Variants in BPHL observed in about 807,000 individuals in gnomAD.
The protein encoded by BPHL is biphenyl hydrolase like, also known as serine hydrolase BPHL.
In BPHL, 27 loss-of-function variants were observed where a neutral mutation model predicts 31.2. The ratio of observed to expected loss-of-function variants is 0.87; its 90% confidence interval spans 0.64 to 1.19. The LOEUF (loss-of-function observed/expected upper bound fraction) is 1.19, where lower values mean the gene tolerates loss of function less well. Among genes scored for constraint, BPHL ranks in the 50% most tolerant of loss-of-function variants. BPHL has a pLI of 0.00. For synonymous variants in BPHL, 150 were observed against 146.8 expected (o/e 1.02, Z -0.16); for missense variants, 356 against 375.7 (o/e 0.95, Z 0.43).
rs533848752 is a variant in BPHL, at chr6:3,140,427, G to A, written c.706G>A (p.Ala236Thr). ...RHLLPRVQCPALIVHGEKDPL... is the reference protein window; with the variant it reads ...RHLLPRVQCPTLIVHGEKDPL... ...CCTGCTGCCCCGGGTCCAGTGCCCCGCCTTGATTGTGCACGGTGAGAAGGA... is the reference window on the plus strand; with the variant it reads ...CCTGCTGCCCCGGGTCCAGTGCCCCACCTTGATTGTGCACGGTGAGAAGGA... Residue 236 changes from alanine to threonine, a missense_variant, in exon 6 of 7, where the codon GCC (alanine) becomes ACC (threonine). Transcript: ENST00000380379. This position sits in a 1 kb window ranked among gnomAD's most constrained non-coding sequence, Gnocchi z 5.2. The A allele has an allele frequency of 3.1e-6, 5 of 1,614,056 alleles. No individual in the cohort carries two copies. Among genetic ancestry groups the A allele is most frequent in the African/African-American group, 2.7e-5 (2 of 74,990 alleles).
chr6:3,141,608 C>T (rs539364546), intron 6 of BPHL, among the ~76,000 whole-genome samples: 41 of 152,306 alleles, frequency 2.7e-4, no homozygotes, highest in South Asian at 8.3e-4. Flanking sequence ...CCTCGTGATC[C>T]GCCTGCCTTG....
chr6:3,146,720 T>C (rs1251087640), intron 6 of BPHL, among the ~76,000 whole-genome samples: 2 of 138,366 alleles, frequency 1.4e-5, no homozygotes, highest in South Asian at 2.5e-4. Context: ...AGTGCTGGTT[T>C]GGGTTGAGTG....
intron 6 of BPHL, among the ~76,000 whole-genome samples, chr6:3,146,779 G>A (rs1357129720): frequency 1.4e-5 from 2 of 145,364 alleles, no homozygotes; most frequent in Admixed American, 6.8e-5. Flanking sequence ...GGTTTGGGTC[G>A]AGTGCTGGTT....
chr6:3,140,416 T>G lies in BPHL; in HGVS notation c.695T>G (p.Val232Gly). ...GNICRHLLPR[V>G]QCPALIVHGE... Reference sequence around the variant, plus strand: ...ATCTGCCGGCACCTGCTGCCCCGGGTCCAGTGCCCCGCCTTGATTGTGCAC... The same window carrying G: ...ATCTGCCGGCACCTGCTGCCCCGGGGCCAGTGCCCCGCCTTGATTGTGCAC... The change falls in exon 6 of 7, where the codon GTC (valine) becomes GGC (glycine). Residue 232 changes from valine to glycine, a missense_variant. Physicochemically the swap from Val to Gly is moderately radical, Grantham distance 109 (BLOSUM62 -3). Coordinates refer to ENST00000380379, the MANE Select transcript of BPHL (RefSeq NM_004332.4). This position sits in a 1 kb window ranked among gnomAD's most constrained non-coding sequence, Gnocchi z 5.2. 1 of 1,613,926 alleles carries G rather than the reference T, an allele frequency of 6.2e-7. No individual in the cohort carries two copies. The highest frequency in any genetic ancestry group is 8.5e-7 in the Non-Finnish European group (1 of 1,179,952).
intron 1 of BPHL, among the ~76,000 whole-genome samples, chr6:3,123,362 TA>T (rs1462728540): frequency 6.6e-6 from 1 of 152,212 alleles, no homozygotes; most frequent in African/African-American, 2.4e-5. Context: ...TTAATTGACA[TA>T]AGTGTACCTG....
chr6:3,119,205 C>G, intron 1 of BPHL: 1 of 1,304,904 alleles, frequency 7.7e-7, no homozygotes, highest in Non-Finnish European at 1.1e-6. Flanking sequence ...AGAATCCCAA[C>G]GCCCTCATTA....
chr6:3,125,360 T>G, intron 2 of BPHL, among the ~76,000 whole-genome samples: 1 of 151,966 alleles, frequency 6.6e-6, no homozygotes, highest in Non-Finnish European at 1.5e-5. Context: ...TTAATTTTTT[T>G]TTATGTAAAG....
chr6:3,126,514 T>G (rs1761715432), intron 2 of BPHL, among the ~76,000 whole-genome samples: 1 of 151,322 alleles, frequency 6.6e-6, no homozygotes, highest in Non-Finnish European at 1.5e-5. Context: ...AGGGCCTCTG[T>G]CTTTCTCAAA....
intron 6 of BPHL, among the ~76,000 whole-genome samples, chr6:3,144,991 G>A (rs1024626388): frequency 6.6e-6 from 1 of 152,242 alleles, no homozygotes; most frequent in African/African-American, 2.4e-5. Flanking sequence ...AGGGAGAGGG[G>A]TTAAGAGCAC....
chr6:3,150,281 C>T (rs3799216), intron 6 of BPHL: 99,398 of 152,036 alleles, frequency 0.65, 33,365 homozygotes, highest in Non-Finnish European at 0.74. Flanking sequence ...CTGTAACTCC[C>T]TGAGTTACAG....
chr6:3,135,092 C>A (rs1026768236), intron 4 of BPHL, among the ~76,000 whole-genome samples: 2 of 152,180 alleles, frequency 1.3e-5, no homozygotes, highest in Non-Finnish European at 2.9e-5. Context: ...GATTTTAGAT[C>A]CACCAACATG....
In BPHL at chr6:3,118,767, C is replaced by A; in HGVS notation, c.27C>A (p.Gly9=). 8.0e-7 allele frequency: 1 copy of A among 1,255,258 alleles called. No individual in the cohort carries two copies. Among genetic ancestry groups the A allele is most frequent in the Non-Finnish European group, 1.0e-6 (1 of 996,108 alleles). The allele number at this position is 1,255,258 out of a possible 1,614,324, so 77.8% of individuals were successfully genotyped here. A position where few individuals can be genotyped will look rare whatever the true frequency, so the allele number is the denominator to read the frequency against. The change falls in exon 1 of 7, where the codon GGC becomes GGA. Residue 9 remains glycine (G), a synonymous_variant. Transcript: ENST00000380379. MVAVLGGR[G]VLRLRLLLSA... ...TGGTGGCTGTGCTGGGCGGCCGGGG[C>A]GTGTTGCGCCTGCGGCTGCTTCTCT...
At chr6:3,148,688 C>G (rs1427600690) in intron 6 of BPHL, among the ~76,000 whole-genome samples, 2 of 152,242 alleles carry the variant, frequency 1.3e-5, no homozygotes, top group Non-Finnish European at 2.9e-5. Flanking sequence ...GGAAAACCAT[C>G]AGCTCCACAC....
intron 6 of BPHL, among the ~76,000 whole-genome samples, chr6:3,145,179 T>G: frequency 1.3e-5 from 1 of 78,164 alleles, no homozygotes; most frequent in Admixed American, 1.1e-4. Flanking sequence ...GGAGTGCTGG[T>G]TCGGGGTGGA....
At chr6:3,139,556 G>GAGCACTGCCCCGTCGGGGC (rs1762112799) in intron 5 of BPHL, 1 of 152,248 alleles carries the variant, frequency 6.6e-6, no homozygotes, top group Non-Finnish European at 1.5e-5. Context: ...CAGGGCGGGG[G>GAGCACTGCCCCGTCGGGGC]AGCACTGCCC....
chr6:3,139,163 TGTG>T (rs1184527177), intron 5 of BPHL: 1 of 152,178 alleles, frequency 6.6e-6, no homozygotes, highest in Non-Finnish European at 1.5e-5. Context: ...AAGCTGTTGT[TGTG>T]GGGATTAAAT....
chr6:3,127,244 A>G lies in BPHL; in HGVS notation c.214A>G (p.Ser72Gly). The change falls in exon 3 of 7, where the codon AGT becomes GGT. Residue 72 changes from serine (S) to glycine (G), a missense_variant and splice_region_variant. Transcript: ENST00000380379. Reference sequence around the variant, plus strand: ...GGTAACCAAGTGGCTGTTTTTAGGAAGTGGAGAGACTGATTTTGGACCTCA... The same window carrying G: ...GGTAACCAAGTGGCTGTTTTTAGGAGGTGGAGAGACTGATTTTGGACCTCA... Reference protein sequence around the residue: ...AVLLLPGMLGSGETDFGPQLK... With the variant: ...AVLLLPGMLGGGETDFGPQLK... The G allele has an allele frequency of 6.5e-7, 1 of 1,534,372 alleles. No homozygotes were observed. The highest frequency in any genetic ancestry group is 8.8e-7 in the Non-Finnish European group (1 of 1,134,106).
intron 4 of BPHL, among the ~76,000 whole-genome samples, chr6:3,129,898 C>G (rs1761826189): frequency 1.3e-5 from 2 of 151,508 alleles, no homozygotes; most frequent in Non-Finnish European, 2.9e-5. Flanking sequence ...CCTCTTCCTC[C>G]TGGATTCAAG....
intron 2 of BPHL, 81 bp from the exon 3 acceptor site, chr6:3,127,161 A>G: frequency 1.0e-6 from 1 of 1,003,628 alleles, no homozygotes; most frequent in Non-Finnish European, 1.4e-6. Flanking sequence ...TGCTTTTAAG[A>G]TTGTTATTGC....
Sources: gnomAD v4.1 joint callset for allele counts (sites outside exome capture counted in the v4.1 genomes callset) on GRCh38, gnomAD v4.1.1 for gene constraint, Gnocchi (gnomAD v3.1) non-coding constraint, MANE v1.5 for transcripts, NCBI Gene and HGNC (gene_info 2026-07-23, HGNC 2026-07-21) for gene names.